The following C3 variants were observed in gnomAD, a reference collection of about 807,000 sequenced individuals.
C3 encodes C3 and PZP-like alpha-2-macroglobulin domain-containing protein 1.
In C3, 97 loss-of-function variants were observed where a neutral mutation model predicts 207.9. That is an observed-to-expected ratio of 0.47 (90% CI 0.40 to 0.55). C3 has a LOEUF of 0.55. Ranked by LOEUF, C3 falls within the 20% of genes least tolerant of loss-of-function variation. The pLI, the probability that C3 is intolerant of heterozygous loss-of-function variation, is 0.00. For synonymous variants in C3, 848 were observed against 857.6 expected, an observed-to-expected ratio of 0.99 and a Z score of 0.20; for missense variants, 1,684 against 2,171.7, an observed-to-expected ratio of 0.78 and a Z score of 4.46.
At chr19:6,685,862 C>T (rs948052926) in intron 29 of C3, among the ~76,000 whole-genome samples, 16 of 152,156 alleles carry the variant, frequency 1.1e-4, no homozygotes, top group African/African-American at 3.4e-4. Flanking sequence ...AGGCTTAGAC[C>T]TGAACCTGGG....
rs2145422590 is a variant in C3, at chr19:6,707,210, C to T, written c.2111G>A (p.Arg704Lys). Reference sequence around the variant, plus strand: ...ACGGGTCCGGCGCTGGCACGAGAACCTCATGGGGTTCTCCCGCATGCCGTC... The same window carrying T: ...ACGGGTCCGGCGCTGGCACGAGAACTTCATGGGGTTCTCCCGCATGCCGTC... ...CEDGMRENPM[R>K]FSCQRRTRFI... Residue 704 changes from arginine (R) to lysine (K), a missense_variant, in exon 17 of 41, where the codon AGG becomes AAG. By Grantham distance (26) the Arg-to-Lys change is conservative. This residue lies in a region of C3 where 1,280 missense variants were observed against 1,739.1 expected (regional missense o/e 0.74). Coordinates refer to ENST00000245907, the MANE Select transcript of C3 (RefSeq NM_000064.4). 1 of 1,613,706 alleles carries T rather than the reference C, an allele frequency of 6.2e-7. No homozygotes were observed. Among genetic ancestry groups the T allele is most frequent in the South Asian group, 1.1e-5 (1 of 91,056 alleles).
chr19:6,697,049 T>A (rs553318024), intron 21 of C3, among the ~76,000 whole-genome samples: 23,142 of 83,624 alleles, frequency 0.28, 4,156 homozygotes, highest in African/African-American at 0.36. Flanking sequence ...CTCAAAAAAA[T>A]AAACAAACAA....
chr19:6,680,807 T>C (rs914849404), intron 35 of C3, among the ~76,000 whole-genome samples: 30 of 151,916 alleles, frequency 2.0e-4, no homozygotes, highest in African/African-American at 6.8e-4. Flanking sequence ...AGGGAGGATA[T>C]GGGGATAGGA....
chr19:6,707,186 C>G lies in C3; in HGVS notation c.2135G>C (p.Arg712Pro). ...PMRFSCQRRT[R>P]FISLGEACKK... ...GCACGCCTCGCCCAGGGAGATGAAACGGGTCCGGCGCTGGCACGAGAACCT... is the reference window on the plus strand; with the variant it reads ...GCACGCCTCGCCCAGGGAGATGAAAGGGGTCCGGCGCTGGCACGAGAACCT... The change falls in exon 17 of 41, where the codon CGT becomes CCT. Residue 712 changes from arginine (R) to proline (P), a missense_variant. By Grantham distance (103) the Arg-to-Pro change is moderately radical. Coordinates refer to ENST00000245907, the MANE Select transcript of C3 (RefSeq NM_000064.4). The G allele has an allele frequency of 6.2e-7, 1 of 1,613,812 alleles. No individual in the cohort carries two copies. The highest frequency in any genetic ancestry group is 2.2e-5 in the East Asian group (1 of 44,852).
chr19:6,712,393 T>C lies in C3; in HGVS notation c.1133A>G (p.Asn378Ser), dbSNP rs1599523955. 3 of 1,613,958 alleles carry C rather than the reference T, an allele frequency of 1.9e-6. No homozygotes were observed. The highest frequency in any genetic ancestry group is 2.7e-5 in the African/African-American group (2 of 74,898). Residue 378 changes from asparagine (N) to serine (S), a missense_variant, in exon 11 of 41, where the codon AAC becomes AGC. Physicochemically the swap from Asn to Ser is conservative, Grantham distance 46. This residue lies in a region of C3 where 1,280 missense variants were observed against 1,739.1 expected (regional missense o/e 0.74). Coordinates refer to ENST00000245907, the MANE Select transcript of C3 (RefSeq NM_000064.4). The stretch of plus-strand genomic sequence containing the variant: ...TCGGTAGGCTGGAGAGCCATCAGGG[T>C]TCGTCACGAACACCTGTGATGTGGG... ...MPFDLMVFVT[N>S]PDGSPAYRVP...
intron 24 of C3, 116 bp downstream of exon 24, chr19:6,694,315 A>C: frequency 3.4e-6 from 3 of 874,232 alleles, no homozygotes; most frequent in Non-Finnish European, 5.5e-6. Context: ...GGGAGTGGCT[A>C]GGAGAGAAGG....
intron 27 of C3, among the ~76,000 whole-genome samples, chr19:6,687,363 G>A (rs72990368): frequency 0.01 from 1,580 of 152,130 alleles, 14 homozygotes; most frequent in Non-Finnish European, 0.017. Flanking sequence ...CATCATCATC[G>A]TCATCATCAT....
intron 19 of C3, 140 bp from the exon 20 acceptor site, chr19:6,697,934 C>T: frequency 2.9e-6 from 2 of 700,022 alleles, no homozygotes; most frequent in East Asian, 2.7e-5. Flanking sequence ...GAACTAAACG[C>T]TGTCAATGGC....
chr19:6,678,588 A>G (rs1021024600), intron 38 of C3, 133 bp from the exon 39 acceptor site: 2 of 710,486 alleles, frequency 2.8e-6, no homozygotes, highest in African/African-American at 1.7e-5. Flanking sequence ...CAGTCACACT[A>G]TGGCCCACCC....
intron 17 of C3, among the ~76,000 whole-genome samples, chr19:6,703,594 G>A (rs1327698890): frequency 6.6e-6 from 1 of 151,500 alleles, no homozygotes; most frequent in African/African-American, 2.4e-5. Flanking sequence ...GTGACGGAGT[G>A]AGACTCCATC....
chr19:6,704,043 C>G (rs1044995128), intron 17 of C3, among the ~76,000 whole-genome samples: 9 of 152,084 alleles, frequency 5.9e-5, no homozygotes, highest in African/African-American at 2.2e-4. Flanking sequence ...TCTGAGAGGC[C>G]AAGGTGGGAG....
At chr19:6,689,356 C>CCT (rs1491219643) in intron 27 of C3, among the ~76,000 whole-genome samples, 3 of 47,176 alleles carry the variant, frequency 6.4e-5, no homozygotes, top group African/African-American at 2.5e-4. Context: ...TCCCTCCCTC[C>CCT]CTCCCTCTCT....
rs1967895273 is a variant in C3, at chr19:6,710,528, G to GGA, written c.1686+109_1686+110dup. The GGA allele has an allele frequency of 1.2e-5, 10 of 802,504 alleles. No individual in the cohort carries two copies. In the South Asian group the frequency reaches 1.5e-4, roughly 12 times the overall value. The allele number at this position is 802,504 out of a possible 1,614,324, so 49.7% of individuals were successfully genotyped here. On this transcript the variant is annotated intron_variant, in intron 13 of 40. Coordinates refer to ENST00000245907, the MANE Select transcript of C3 (RefSeq NM_000064.4). ...GGGAGAGGAAGAGAAGAGAGAGAAA[G>GGA]GAGAGAGAAAAGGAGAAAGGGAGAG... is the stretch of plus-strand genomic sequence containing the variant.
chr19:6,693,835 G>A (rs1163392891), intron 24 of C3, among the ~76,000 whole-genome samples: 1 of 152,072 alleles, frequency 6.6e-6, no homozygotes, highest in East Asian at 1.9e-4. Flanking sequence ...AGGAGGTGGC[G>A]CCTCACAGAA....
chr19:6,699,763 T>A (rs1017373502), intron 19 of C3, among the ~76,000 whole-genome samples: 1 of 152,072 alleles, frequency 6.6e-6, no homozygotes, highest in African/African-American at 2.4e-5. Context: ...ATCAGTAATT[T>A]TGATATACTA....
Position 6,678,295 on chromosome 19 carries a change from G to A in C3, c.4715-8C>T. ...CCTGCACCTCATCCGAGCCTGGAGT[G>A]GAGGGGAGAGGGAAGAAGCTGAGTC... On this transcript the variant is annotated splice_region_variant and splice_polypyrimidine_tract_variant and intron_variant, in intron 39 of 40. Coordinates refer to ENST00000245907, the MANE Select transcript of C3 (RefSeq NM_000064.4). 1.2e-6 allele frequency: 2 copies of A among 1,614,212 alleles called. No individual in the cohort carries two copies. The highest frequency in any genetic ancestry group is 1.7e-6 in the Non-Finnish European group (2 of 1,180,038).
At chr19:6,695,620 C>T (rs1967517294) in intron 23 of C3, among the ~76,000 whole-genome samples, 1 of 151,968 alleles carries the variant, frequency 6.6e-6, no homozygotes, top group Non-Finnish European at 1.5e-5. Flanking sequence ...GCTGGGATTA[C>T]AGGCATGTGC....
intron 21 of C3, 44 bp from the exon 22 acceptor site, chr19:6,696,703 G>A: frequency 6.4e-7 from 1 of 1,553,114 alleles, no homozygotes; most frequent in Non-Finnish European, 8.9e-7. Context: ...ATGAATAAAA[G>A]AACAGACAGA....
At chr19:6,694,952 G>A (rs1967500269) in intron 23 of C3, among the ~76,000 whole-genome samples, 1 of 152,114 alleles carries the variant, frequency 6.6e-6, no homozygotes, top group Admixed American at 6.5e-5. Flanking sequence ...ACTGTTCTAA[G>A]AGAATACCAT....
Sources: gnomAD v4.1 joint callset for allele counts (sites outside exome capture counted in the v4.1 genomes callset) on GRCh38, gnomAD v4.1.1 for gene constraint, gnomAD v4.1.1 regional missense constraint, MANE v1.5 for transcripts, NCBI Gene and HGNC (gene_info 2026-07-23, HGNC 2026-07-21) for gene names.